Variants in HERC1 observed in about 807,000 individuals in gnomAD.
The protein encoded by HERC1 is HECT and RLD domain containing E3 ubiquitin protein ligase family member 1.
In HERC1, 160 loss-of-function variants were observed where a neutral mutation model predicts 554.3. That is an observed-to-expected ratio of 0.29 (90% CI 0.25 to 0.33). HERC1 has a LOEUF of 0.33. Among genes scored for constraint, HERC1 ranks in the 10% least tolerant of loss-of-function variants. The pLI is 1.00. For missense variants in HERC1, 4,919 were observed against 5,918.5 expected (o/e 0.83, Z 5.54); for synonymous variants, 2,175 against 2,131.7 (o/e 1.02, Z -0.56).
intron 1 of HERC1, among the ~76,000 whole-genome samples, chr15:63,812,349 C>A (rs1000029950): frequency 9.2e-5 from 14 of 152,172 alleles, no homozygotes; most frequent in Non-Finnish European, 1.3e-4. Flanking sequence ...CTAGGCAAAT[C>A]TGTATTGTAA....
Position 63,737,516 on chromosome 15 carries a change from G to GAT in HERC1, c.2521-2669_2521-2668dup, listed in dbSNP as rs754808106. 9.7e-3 allele frequency among the ~76,000 whole-genome samples: 451 copies of GAT among 46,436 alleles called. 90 individuals carry two copies. In the East Asian group the frequency reaches 0.18, roughly 18 times the overall value. 30.5% of individuals were successfully genotyped at this position (46,436 alleles called of 152,430 possible). On this transcript the variant is annotated intron_variant, in intron 12 of 77. Coordinates refer to ENST00000443617, the MANE Select transcript of HERC1 (RefSeq NM_003922.4). ...TATACATATATATATCTTTTTTCCA[G>GAT]ATATATATATATATATATATATATA... is the stretch of plus-strand genomic sequence containing the variant.
intron 25 of HERC1, among the ~76,000 whole-genome samples, chr15:63,704,939 C>T (rs1026215782): frequency 4.0e-5 from 6 of 151,840 alleles, no homozygotes; most frequent in Admixed American, 1.3e-4. Context: ...AGGGTTTCAC[C>T]ATGTTAGCCA....
chr15:63,633,318 T>C (rs1311708028), intron 67 of HERC1, among the ~76,000 whole-genome samples: 1 of 152,220 alleles, frequency 6.6e-6, no homozygotes, highest in Non-Finnish European at 1.5e-5. Flanking sequence ...GTGAAATACG[T>C]CAGGAAAACC....
At chr15:63,629,373 TC>T (rs770433970) in intron 69 of HERC1, among the ~76,000 whole-genome samples, 1 of 152,166 alleles carries the variant, frequency 6.6e-6, no homozygotes, top group Non-Finnish European at 1.5e-5. Flanking sequence ...ACTAAACACA[TC>T]CTTGGATTCC....
rs113207869 is a variant in HERC1 at position 63,833,029 on chromosome 15, T to C, written c.-27+798A>G. On this transcript the variant is annotated intron_variant, in intron 1 of 77. Coordinates refer to ENST00000443617, the MANE Select transcript of HERC1 (RefSeq NM_003922.4). ...TTTCACAGCTCTCTAAGATAACATG[T>C]CTTTTACATAACCTCCTGGGAGAGG... 3.5e-3 allele frequency among the ~76,000 whole-genome samples: 531 copies of C among 152,310 alleles called. 3 individuals are homozygous for C. The highest frequency in any genetic ancestry group is 6.6e-3 in the Non-Finnish European group (448 of 68,028).
At chr15:63,815,855 GAAGGGGTTAGCA>G (rs1187662936) in intron 1 of HERC1, among the ~76,000 whole-genome samples, 1 of 152,186 alleles carries the variant, frequency 6.6e-6, no homozygotes, top group Non-Finnish European at 1.5e-5. Context: ...AATCATGGCA[GAAGGGGTTAGCA>G]AACACATCCT....
Position 63,698,184 on chromosome 15 carries a change from G to A in HERC1, c.4905+544C>T, listed in dbSNP as rs2072531334. On this transcript the variant is annotated intron_variant, in intron 26 of 77. Coordinates refer to ENST00000443617, the MANE Select transcript of HERC1 (RefSeq NM_003922.4). ...TAATCTCAGCACTTTGGGAGGCCGA[G>A]GCAAGTGGATCACCTGAGGTCAGAA... Among the ~76,000 whole-genome samples, 4 of 152,228 alleles carry A rather than the reference G, an allele frequency of 2.6e-5. 1 individual carries two copies. In the South Asian group the frequency reaches 8.3e-4, roughly 32 times the overall value.
chr15:63,635,424 C>G (rs547049707), intron 65 of HERC1, among the ~76,000 whole-genome samples: 1 of 152,222 alleles, frequency 6.6e-6, no homozygotes, highest in South Asian at 2.1e-4. Flanking sequence ...TCAGGAAGCC[C>G]AAGCTGAACA....
intron 1 of HERC1, among the ~76,000 whole-genome samples, chr15:63,787,743 T>C (rs903655132): frequency 1.3e-5 from 2 of 151,602 alleles, no homozygotes; most frequent in Non-Finnish European, 2.9e-5. Flanking sequence ...ACAGCAAGAC[T>C]CCATCTCTTT....
rs1402735355 is a variant in HERC1, at chr15:63,658,856, A to C, written c.9425-138T>G. 1.1e-5 allele frequency: 6 copies of C among 559,448 alleles called. No individual in the cohort carries two copies. The East Asian group carries it at 1.8e-4, about 17-fold the overall frequency. 34.7% of individuals were successfully genotyped at this position (559,448 alleles called of 1,614,324 possible). On this transcript the variant is annotated intron_variant, in intron 47 of 77. Transcript: ENST00000443617. ...TCATCTGGAACTTGGTTATACAGAA[A>C]ATTTCTTAGGAGAAACTCACATATT...
chr15:63,791,519 T>C (rs968831418), intron 1 of HERC1, among the ~76,000 whole-genome samples: 11 of 152,168 alleles, frequency 7.2e-5, no homozygotes, highest in Admixed American at 4.6e-4. Context: ...AAGAACAAAA[T>C]AGAACATCCA....
Position 63,612,514 on chromosome 15 carries a change from G to T in HERC1, c.14137C>A (p.Pro4713Thr). 1 of 1,614,006 alleles carries T rather than the reference G, an allele frequency of 6.2e-7. No homozygotes were observed. The highest frequency in any genetic ancestry group is 1.7e-5 in the Admixed American group (1 of 60,022). ...TTTGCTGTGAGGAGGGACAGCAGCG[G>T]CACAGGAACAATCCAGGACATCCCT... is the stretch of plus-strand genomic sequence containing the variant. ...REGMSWIVPV[P>T]LLSLLTAKQL... Residue 4713 changes from proline (P) to threonine (T), a missense_variant, in exon 77 of 78, where the codon CCG becomes ACG. This residue lies in a region of HERC1 where 284 missense variants were observed against 294.1 expected (regional missense o/e 0.97). Transcript: ENST00000443617. This position sits in a 1 kb window ranked among gnomAD's most constrained non-coding sequence, Gnocchi z 5.0.
intron 69 of HERC1, 79 bp from the exon 70 acceptor site, chr15:63,628,894 G>C (rs1410023804): frequency 7.4e-7 from 1 of 1,358,468 alleles, no homozygotes. Context: ...TTTCTTAGAT[G>C]GTGGCAGACA....
chr15:63,732,044 C>T (rs2074318932), intron 14 of HERC1, among the ~76,000 whole-genome samples: 1 of 152,118 alleles, frequency 6.6e-6, no homozygotes, highest in Non-Finnish European at 1.5e-5. Context: ...CTCTGTCACC[C>T]AGGCTGGAGT....
At chr15:63,681,116 C>G (rs537904999) in intron 34 of HERC1, among the ~76,000 whole-genome samples, 1 of 152,274 alleles carries the variant, frequency 6.6e-6, no homozygotes, top group South Asian at 2.1e-4. Context: ...TTTAACTACT[C>G]TCTTGCATAT....
At chr15:63,615,250 C>T (rs1394675770) in intron 76 of HERC1, among the ~76,000 whole-genome samples, 1 of 152,108 alleles carries the variant, frequency 6.6e-6, no homozygotes, top group Non-Finnish European at 1.5e-5. Context: ...AATTCAGAAC[C>T]GATTTAAGGC....
chr15:63,802,968 G>T (rs899194700), intron 1 of HERC1, among the ~76,000 whole-genome samples: 1 of 152,080 alleles, frequency 6.6e-6, no homozygotes, highest in Non-Finnish European at 1.5e-5. Flanking sequence ...CCAACACTTC[G>T]GGAGGCCAAG....
intron 53 of HERC1, 115 bp downstream of exon 53, chr15:63,651,138 T>C: frequency 3.4e-6 from 3 of 886,850 alleles, no homozygotes; most frequent in Non-Finnish European, 5.2e-6. Flanking sequence ...TCAGAGTTGT[T>C]GGAAGGCTTG....
intron 1 of HERC1, among the ~76,000 whole-genome samples, chr15:63,788,331 T>A (rs924954789): frequency 6.6e-6 from 1 of 152,164 alleles, no homozygotes; most frequent in Non-Finnish European, 1.5e-5. Flanking sequence ...AATTGGAGAA[T>A]TGGGATAATA....
Sources: gnomAD v4.1 joint callset for allele counts (sites outside exome capture counted in the v4.1 genomes callset) on GRCh38, gnomAD v4.1.1 for gene constraint, gnomAD v4.1.1 regional missense constraint, Gnocchi (gnomAD v3.1) non-coding constraint, MANE v1.5 for transcripts, NCBI Gene and HGNC (gene_info 2026-07-23, HGNC 2026-07-21) for gene names.